The following ABCB11 variants were observed in gnomAD, a reference collection of about 807,000 sequenced individuals.
The protein encoded by ABCB11 is bile salt export pump.
ABCB11 carries 95 observed loss-of-function variants against 148.0 expected under a neutral mutation model. The ratio of observed to expected loss-of-function variants is 0.64; its 90% confidence interval spans 0.54 to 0.76. ABCB11 has a LOEUF of 0.76. Ranked by LOEUF, ABCB11 falls within the 30% of genes least tolerant of loss-of-function variation. ABCB11 has a pLI of 0.00. For synonymous variants in ABCB11, 591 were observed against 555.4 expected, an observed-to-expected ratio of 1.06 and a Z score of -0.90; for missense variants, 1,523 against 1,617.8, an observed-to-expected ratio of 0.94 and a Z score of 1.01.
chr2:168,946,195 TATACA>T (rs1039575944), intron 19 of ABCB11, among the ~76,000 whole-genome samples: 7 of 151,900 alleles, frequency 4.6e-5, no homozygotes, highest in African/African-American at 1.7e-4. Context: ...ATTAGAGAGC[TATACA>T]ATACATCTTT....
chr2:168,919,275 T>C (rs993625827), downstream of ABCB11, among the ~76,000 whole-genome samples: 3 of 152,202 alleles, frequency 2.0e-5, no homozygotes, highest in Admixed American at 6.5e-5. Flanking sequence ...TTTCTTTTTG[T>C]GTAACTTTTC....
At chr2:168,948,881 T>G (rs1692443156) in intron 19 of ABCB11, among the ~76,000 whole-genome samples, 1 of 151,722 alleles carries the variant, frequency 6.6e-6, no homozygotes, top group Non-Finnish European at 1.5e-5. Context: ...TGATTTTGTT[T>G]GTGGATTATC....
chr2:169,026,724 A>T (rs34104195), intron 1 of ABCB11, among the ~76,000 whole-genome samples: 8 of 152,272 alleles, frequency 5.3e-5, no homozygotes, highest in African/African-American at 1.9e-4. Flanking sequence ...AGATGTTGGG[A>T]AACCCATACA....
At chr2:168,952,677 GTT>G (rs779394916) in intron 19 of ABCB11, among the ~76,000 whole-genome samples, 1 of 93,620 alleles carries the variant, frequency 1.1e-5, no homozygotes, top group African/African-American at 3.5e-5. Context: ...TTGCTCCTTT[GTT>G]TTTTTTTTTT....
At position 168,936,428 on chromosome 2, in the gene ABCB11, G is replaced by A. The variant is rs528640585; in HGVS notation, c.2616C>T (p.Ala872=). The part of the protein sequence containing the change: ...ATDASQVQGA[A]GSQIGMIVNS... The stretch of plus-strand genomic sequence containing the variant: ...TGACTATCATCCCGATCTGAGAGCC[G>A]GCAGCCTGCAAACCAAAAAGCAATC... The change falls in exon 22 of 28, where the codon GCC becomes GCT. Residue 872 remains alanine, a synonymous_variant. Transcript: ENST00000650372. 1.2e-5 allele frequency: 20 copies of A among 1,613,788 alleles called. No homozygotes were observed. The highest frequency in any genetic ancestry group is 9.3e-5 in the African/African-American group (7 of 75,004).
At chr2:168,982,123 CAG>C (rs927435272) in intron 10 of ABCB11, among the ~76,000 whole-genome samples, 2 of 152,134 alleles carry the variant, frequency 1.3e-5, no homozygotes, top group African/African-American at 4.8e-5. Context: ...GTAGTGTAGA[CAG>C]AGAGATGGGA....
intron 10 of ABCB11, among the ~76,000 whole-genome samples, chr2:168,983,828 G>A (rs1694218804): frequency 6.6e-6 from 1 of 151,998 alleles, no homozygotes. Flanking sequence ...GGAATCTGGA[G>A]CTAAAAAATT....
At chr2:168,932,216 TTC>T (rs1322699359) in intron 24 of ABCB11, among the ~76,000 whole-genome samples, 159 bp downstream of exon 24, 1 of 152,076 alleles carries the variant, frequency 6.6e-6, no homozygotes, top group African/African-American at 2.4e-5. Context: ...TGTCCATGTG[TTC>T]TGTTTGTTCA....
intron 10 of ABCB11, among the ~76,000 whole-genome samples, chr2:168,981,735 GA>G (rs1261664824): frequency 6.6e-6 from 1 of 152,120 alleles, no homozygotes; most frequent in Admixed American, 6.6e-5. Flanking sequence ...AACATTTTCT[GA>G]AAAAGGGCCA....
intron 19 of ABCB11, among the ~76,000 whole-genome samples, chr2:168,945,477 A>G (rs556330556): frequency 6.6e-6 from 1 of 152,010 alleles, no homozygotes; most frequent in Admixed American, 6.6e-5. Flanking sequence ...TTGGTTTTTC[A>G]TCAACACAGA....
At position 168,923,586 on chromosome 2, in the gene ABCB11, T is replaced by A; in HGVS notation, c.*36A>T. ...TTTCTTTAAAAACAACCCCTGTAAC[T>A]GGTGCGTCATGTGTGTCTGAGATTC... is the stretch of plus-strand genomic sequence containing the variant. On this transcript the variant is annotated 3_prime_UTR_variant, in exon 28 of 28. Transcript: ENST00000650372. 6.2e-7 allele frequency: 1 copy of A among 1,600,968 alleles called. No individual in the cohort carries two copies. The highest frequency in any genetic ancestry group is 8.6e-7 in the Non-Finnish European group (1 of 1,168,196).
intron 24 of ABCB11, among the ~76,000 whole-genome samples, chr2:168,931,157 T>A (rs1691552048): frequency 6.6e-6 from 1 of 152,190 alleles, no homozygotes; most frequent in African/African-American, 2.4e-5. Flanking sequence ...TAGAAGAGAA[T>A]AGCTGGAAGA....
At chr2:168,978,977 C>A (rs1247812072) in intron 11 of ABCB11, among the ~76,000 whole-genome samples, 1 of 152,130 alleles carries the variant, frequency 6.6e-6, no homozygotes, top group Non-Finnish European at 1.5e-5. Context: ...ACCTTGGCCT[C>A]CCAAAGTATT....
chr2:168,970,641 T>C (rs1693544896), intron 14 of ABCB11: 1 of 306,842 alleles, frequency 3.3e-6, no homozygotes, highest in Admixed American at 4.6e-5. Flanking sequence ...ACTAGCTTTA[T>C]AAGGATTATC....
chr2:168,965,434 C>T (rs1383508334), intron 17 of ABCB11, among the ~76,000 whole-genome samples: 1 of 151,026 alleles, frequency 6.6e-6, no homozygotes, highest in Admixed American at 6.6e-5. Context: ...ATGAAGCCAA[C>T]AGTGAAATAG....
intron 1 of ABCB11, among the ~76,000 whole-genome samples, chr2:169,028,582 G>A (rs1044269141): frequency 4.6e-5 from 7 of 152,254 alleles, no homozygotes; most frequent in African/African-American, 1.4e-4. Context: ...TGGGCAACTC[G>A]GGAGGATGTG....
At position 168,969,552 on chromosome 2, in the gene ABCB11, C is replaced by T. The variant is rs1553466082; in HGVS notation, c.1810-1G>A. On this transcript the variant is annotated splice_acceptor_variant, in intron 15 of 27. Coordinates refer to ENST00000650372, the MANE Select transcript of ABCB11 (RefSeq NM_003742.4). LOFTEE classifies it high-confidence loss of function. ...AAATGATTGTGTGCCCATGCTGAATCTGTAAGAATGTACAGTGCACCATTA... is the reference window on the plus strand; with the variant it reads ...AAATGATTGTGTGCCCATGCTGAATTTGTAAGAATGTACAGTGCACCATTA... 1 of 1,611,710 alleles carries T rather than the reference C, an allele frequency of 6.2e-7. No individual in the cohort carries two copies. The highest frequency in any genetic ancestry group is 1.3e-5 in the African/African-American group (1 of 74,936).
intron 9 of ABCB11, among the ~76,000 whole-genome samples, chr2:168,990,013 G>A (rs1694460077): frequency 6.6e-6 from 1 of 152,082 alleles, no homozygotes; most frequent in Non-Finnish European, 1.5e-5. Flanking sequence ...TGGTTTACTA[G>A]TATTTTTGTT....
intron 5 of ABCB11, among the ~76,000 whole-genome samples, chr2:169,005,184 G>A (rs1694983354): frequency 6.6e-6 from 1 of 152,090 alleles, no homozygotes; most frequent in Admixed American, 6.6e-5. Context: ...CCTATAGGGA[G>A]AATGCAAAGT....
Sources: gnomAD v4.1 joint callset for allele counts (sites outside exome capture counted in the v4.1 genomes callset) on GRCh38, gnomAD v4.1.1 for gene constraint, MANE v1.5 for transcripts, NCBI Gene and HGNC (gene_info 2026-07-23, HGNC 2026-07-21) for gene names.